SLC1A1: variants seen among roughly 807,000 people sequenced by gnomAD.
SLC1A1 encodes solute carrier family 1 member 1.
Under a neutral mutation model 53.3 loss-of-function variants are expected in SLC1A1, and 43 were observed. The observed-to-expected ratio is 0.81, with a 90% CI of 0.63 to 1.04. The LOEUF (loss-of-function observed/expected upper bound fraction) is 1.04, where lower values mean the gene tolerates loss of function less well. Among genes scored for constraint, SLC1A1 ranks in the 50% least tolerant of loss-of-function variants. The pLI is 0.00. For missense variants in SLC1A1, 748 were observed against 664.9 expected (o/e 1.12, Z -1.37); for synonymous variants, 307 against 243.2 (o/e 1.26, Z -2.44).
chr9:4,494,302 TA>T (rs1820336460), intron 1 of SLC1A1, among the ~76,000 whole-genome samples: 1 of 69,452 alleles, frequency 1.4e-5, no homozygotes, highest in Non-Finnish European at 4.3e-5. Flanking sequence ...AGATATTACT[TA>T]TTACTTCGTT....
At chr9:4,577,289 T>A (rs1372942392) in intron 10 of SLC1A1, among the ~76,000 whole-genome samples, 2 of 152,134 alleles carry the variant, frequency 1.3e-5, no homozygotes, top group African/African-American at 4.8e-5. Context: ...AGAAATAGCT[T>A]GTGATGCAGC....
At chr9:4,494,084 A>C (rs1402680772) in intron 1 of SLC1A1, among the ~76,000 whole-genome samples, 1 of 152,184 alleles carries the variant, frequency 6.6e-6, no homozygotes, top group Non-Finnish European at 1.5e-5. Context: ...TCACAGGAAA[A>C]TCCTCTGCTA....
At chr9:4,516,766 G>A (rs930570955) in intron 1 of SLC1A1, among the ~76,000 whole-genome samples, 14 of 152,054 alleles carry the variant, frequency 9.2e-5, no homozygotes, top group Admixed American at 5.2e-4. Flanking sequence ...TTTAACACAC[G>A]GTTTATCTCA....
chr9:4,551,153 C>A (rs1817895601), intron 2 of SLC1A1, among the ~76,000 whole-genome samples: 1 of 152,052 alleles, frequency 6.6e-6, no homozygotes, highest in African/African-American at 2.4e-5. Flanking sequence ...TTTTAGAGCA[C>A]CTTATTTGTA....
intron 1 of SLC1A1, among the ~76,000 whole-genome samples, chr9:4,510,183 T>C (rs1820952949): frequency 6.6e-6 from 1 of 152,176 alleles, no homozygotes; most frequent in Non-Finnish European, 1.5e-5. Context: ...AAGGGCATTA[T>C]GGGAAATGAG....
intron 2 of SLC1A1, 89 bp downstream of exon 2, chr9:4,544,796 A>C: frequency 8.7e-7 from 1 of 1,149,264 alleles, no homozygotes; most frequent in South Asian, 1.3e-5. Flanking sequence ...TATAAAGGAA[A>C]GAGGTTTAAT....
intron 1 of SLC1A1, among the ~76,000 whole-genome samples, chr9:4,530,392 G>C (rs1816422172): frequency 6.6e-6 from 1 of 152,148 alleles, no homozygotes; most frequent in African/African-American, 2.4e-5. Context: ...TTTGATTCAG[G>C]AGCGGCTTCA....
At chr9:4,577,468 G>A (rs967777158) in intron 10 of SLC1A1, among the ~76,000 whole-genome samples, 1 of 152,116 alleles carries the variant, frequency 6.6e-6, no homozygotes, top group Non-Finnish European at 1.5e-5. Context: ...GGACAGATTT[G>A]CATTTTATGT....
intron 1 of SLC1A1, among the ~76,000 whole-genome samples, chr9:4,516,712 A>C (rs1352280218): frequency 6.6e-6 from 1 of 152,218 alleles, no homozygotes; most frequent in African/African-American, 2.4e-5. Flanking sequence ...AACATGTTCA[A>C]TGGCTATTCA....
At chr9:4,545,189 G>GTGTCTCTCTCTCTCTCTC (rs1554681238) in intron 2 of SLC1A1, among the ~76,000 whole-genome samples, 1 of 130,906 alleles carries the variant, frequency 7.6e-6, no homozygotes, top group Non-Finnish European at 1.6e-5. Context: ...TACATTAGAT[G>GTGTCTCTCTCTCTCTCTC]TCTCTCTCTC....
chr9:4,526,584 G>A (rs546856223), intron 1 of SLC1A1, among the ~76,000 whole-genome samples: 1 of 152,152 alleles, frequency 6.6e-6, no homozygotes, highest in African/African-American at 2.4e-5. Flanking sequence ...AAGATCTGTG[G>A]AGGATTTGTT....
chr9:4,583,236 G>A lies in SLC1A1; in HGVS notation c.1328+64G>A, dbSNP rs1056644396. 25 of 1,598,514 alleles carry A rather than the reference G, an allele frequency of 1.6e-5. No homozygotes were observed. Among genetic ancestry groups the A allele is most frequent in the African/African-American group, 6.7e-5 (5 of 74,652 alleles). The stretch of plus-strand genomic sequence containing the variant: ...AGGCGGGCTTCCCAGCCTCGCAGGC[G>A]CTGCAGTCTGTCATCATTCTCTCCT... On this transcript the variant is annotated intron_variant, in intron 11 of 11. Coordinates refer to ENST00000262352, the MANE Select transcript of SLC1A1 (RefSeq NM_004170.6). This position sits in a 1 kb window ranked among gnomAD's most constrained non-coding sequence, Gnocchi z 4.6.
chr9:4,516,078 G>C (rs1309203935), intron 1 of SLC1A1, among the ~76,000 whole-genome samples: 2 of 152,194 alleles, frequency 1.3e-5, no homozygotes, highest in Non-Finnish European at 2.9e-5. Flanking sequence ...CACTGGTACA[G>C]GAGCTTTCCT....
In SLC1A1 at chr9:4,508,639, C is replaced by T. The variant is rs117292535; in HGVS notation, c.91+17869C>T. 2.5e-3 allele frequency among the ~76,000 whole-genome samples: 380 copies of T among 152,320 alleles called. 3 individuals are homozygous for T. Among genetic ancestry groups the T allele is most frequent in the Admixed American group, 0.02 (300 of 15,302 alleles). The stretch of plus-strand genomic sequence containing the variant: ...ACTGTTTATGACACACTTCTGGGTT[C>T]GATGGCCCTGAGACAATAAATTCAT... On this transcript the variant is annotated intron_variant, in intron 1 of 11. Transcript: ENST00000262352.
chr9:4,562,878 C>T lies in SLC1A1; in HGVS notation c.325+1337C>T, dbSNP rs528862709. Among the ~76,000 whole-genome samples the T allele has an allele frequency of 5.4e-5, 8 of 147,800 alleles. No homozygotes were observed. In the East Asian group the frequency reaches 8.1e-4, roughly 15 times the overall value. On this transcript the variant is annotated intron_variant, in intron 3 of 11. Transcript: ENST00000262352. The stretch of plus-strand genomic sequence containing the variant: ...TGTGAATAATGCCGCAATAAACATA[C>T]GTGTGCATGTGTCTTTATAGCAGCA...
chr9:4,492,496 A>C (rs565167127), intron 1 of SLC1A1, among the ~76,000 whole-genome samples: 1 of 151,736 alleles, frequency 6.6e-6, no homozygotes, highest in Admixed American at 6.6e-5. Flanking sequence ...AAAAAAAAAA[A>C]AAGGAAAAGG....
At chr9:4,536,786 A>G (rs1816692176) in intron 1 of SLC1A1, among the ~76,000 whole-genome samples, 1 of 152,214 alleles carries the variant, frequency 6.6e-6, no homozygotes, top group African/African-American at 2.4e-5. Context: ...AAGACTTGCA[A>G]CCAAGCCAAA....
chr9:4,567,292 CATTT>C (rs1298243869), intron 5 of SLC1A1, among the ~76,000 whole-genome samples: 3 of 152,198 alleles, frequency 2.0e-5, no homozygotes, highest in African/African-American at 7.2e-5. Flanking sequence ...GATTAAAAAT[CATTT>C]ATTAATTAAT....
In SLC1A1 at chr9:4,535,051, C is replaced by T. The variant is rs371498883; in HGVS notation, c.92-9516C>T. Among the ~76,000 whole-genome samples the T allele has an allele frequency of 4.2e-4, 64 of 152,192 alleles. No individual in the cohort carries two copies. The East Asian group carries it at 5.8e-3, about 14-fold the overall frequency. Reference sequence around the variant, plus strand: ...CTCAATAAATTAGGTATTGATGGGACGTATCTCAAAATAATAAGAGCTATC... The same window carrying T: ...CTCAATAAATTAGGTATTGATGGGATGTATCTCAAAATAATAAGAGCTATC... On this transcript the variant is annotated intron_variant, in intron 1 of 11. Coordinates refer to ENST00000262352, the MANE Select transcript of SLC1A1 (RefSeq NM_004170.6).
Sources: allele counts gnomAD v4.1 joint callset (sites outside exome capture counted in the v4.1 genomes callset), GRCh38; gene constraint gnomAD v4.1.1; non-coding constraint Gnocchi (gnomAD v3.1); transcripts MANE v1.5; gene names NCBI Gene and HGNC (gene_info 2026-07-23, HGNC 2026-07-21).